PPP1R12B: variants seen among roughly 807,000 people sequenced by gnomAD.
PPP1R12B encodes the protein protein phosphatase 1 regulatory subunit 12B, also known as myosin phosphatase target subunit 2.
A neutral mutation model predicts 126.1 loss-of-function variants in PPP1R12B; 76 were observed. That is an observed-to-expected ratio of 0.60 (90% CI 0.50 to 0.73). The LOEUF is 0.73. Among genes scored for constraint, PPP1R12B ranks in the 30% least tolerant of loss-of-function variants. The pLI is 0.00. For missense variants in PPP1R12B, 1,052 were observed against 1,205.1 expected, an observed-to-expected ratio of 0.87 and a Z score of 1.88; for synonymous variants, 356 against 434.7, an observed-to-expected ratio of 0.82 and a Z score of 2.25.
Position 202,585,378 on chromosome 1 carries a change from A to C in PPP1R12B, c.*4818A>C, listed in dbSNP as rs1423698693. On this transcript the variant is annotated 3_prime_UTR_variant, in exon 24 of 24. Coordinates refer to ENST00000608999, the MANE Select transcript of PPP1R12B (RefSeq NM_002481.4). ...ACCCAATAAGCAGGCAGCTTTGAGG[A>C]CAAAAAGGCAACATTAAAAGATAAG... 1 of 152,240 alleles carries C rather than the reference A, an allele frequency of 6.6e-6. No individual in the cohort carries two copies. The highest frequency in any genetic ancestry group is 2.4e-5 in the African/African-American group (1 of 41,466). The allele number at this position is 152,240 out of a possible 1,614,324, so 9.4% of individuals were successfully genotyped here.
chr1:202,580,133 T>C (rs988886240), intron 23 of PPP1R12B, among the ~76,000 whole-genome samples: 4 of 151,992 alleles, frequency 2.6e-5, no homozygotes, highest in Non-Finnish European at 5.9e-5. Context: ...TCTTTAGGGG[T>C]GAGTTTAAGG....
At chr1:202,536,734 ATATTTCT>A (rs1470966019) in intron 18 of PPP1R12B, among the ~76,000 whole-genome samples, 5 of 152,042 alleles carry the variant, frequency 3.3e-5, no homozygotes, top group Non-Finnish European at 7.4e-5. Flanking sequence ...CTGTACAAAA[ATATTTCT>A]TTATATTCTT....
At chr1:202,482,553 C>G (rs1246002917) in intron 13 of PPP1R12B, among the ~76,000 whole-genome samples, 1 of 152,116 alleles carries the variant, frequency 6.6e-6, no homozygotes, top group African/African-American at 2.4e-5. Context: ...AAGTAAATGT[C>G]TGTTAAGGTC....
intron 18 of PPP1R12B, among the ~76,000 whole-genome samples, chr1:202,528,384 A>G (rs1185528651): frequency 6.6e-6 from 1 of 152,212 alleles, no homozygotes; most frequent in Non-Finnish European, 1.5e-5. Flanking sequence ...CAGTCAATTC[A>G]GTCATCATGG....
At chr1:202,488,794 G>T (rs1206826040) in intron 14 of PPP1R12B, among the ~76,000 whole-genome samples, 171 bp downstream of exon 14, 1 of 152,162 alleles carries the variant, frequency 6.6e-6, no homozygotes, top group African/African-American at 2.4e-5. Flanking sequence ...AATTTGGGAG[G>T]CCAAGGAGTT....
intron 1 of PPP1R12B, among the ~76,000 whole-genome samples, chr1:202,403,195 A>T (rs1418298276): frequency 6.6e-6 from 1 of 152,178 alleles, no homozygotes; most frequent in East Asian, 1.9e-4. Flanking sequence ...GTTCTGCCTA[A>T]AGAAGGCAGC....
At chr1:202,379,152 T>C (rs1455451425) in intron 1 of PPP1R12B, among the ~76,000 whole-genome samples, 2 of 152,218 alleles carry the variant, frequency 1.3e-5, no homozygotes, top group African/African-American at 4.8e-5. Flanking sequence ...TGTAGATGTC[T>C]TACAGGTTTC....
chr1:202,451,152 GATTT>G (rs1178160483), intron 13 of PPP1R12B, among the ~76,000 whole-genome samples: 3 of 150,582 alleles, frequency 2.0e-5, no homozygotes, highest in East Asian at 1.9e-4. Flanking sequence ...ATAGTAGTAT[GATTT>G]ATTTATTTTT....
chr1:202,479,897 T>C (rs1437427672), intron 13 of PPP1R12B, among the ~76,000 whole-genome samples: 5 of 152,180 alleles, frequency 3.3e-5, no homozygotes, highest in African/African-American at 1.2e-4. Flanking sequence ...AAGAACCACT[T>C]CCTTAGCCTA....
At chr1:202,554,675 T>C (rs1332905109) in intron 18 of PPP1R12B, among the ~76,000 whole-genome samples, 1 of 152,080 alleles carries the variant, frequency 6.6e-6, no homozygotes, top group Non-Finnish European at 1.5e-5. Flanking sequence ...AGGAAAATTG[T>C]CTACCGCCTT....
At chr1:202,486,571 G>A (rs1221805576) in intron 13 of PPP1R12B, among the ~76,000 whole-genome samples, 1 of 152,200 alleles carries the variant, frequency 6.6e-6, no homozygotes, top group South Asian at 2.1e-4. Flanking sequence ...CTGGGAAGTC[G>A]AGGTGGGAGG....
chr1:202,536,141 G>A (rs1219771200), intron 18 of PPP1R12B, among the ~76,000 whole-genome samples: 1 of 152,144 alleles, frequency 6.6e-6, no homozygotes, highest in Non-Finnish European at 1.5e-5. Context: ...TTCTTCATCT[G>A]TAAGATAGTA....
chr1:202,525,027 C>T (rs531995140), intron 18 of PPP1R12B, among the ~76,000 whole-genome samples: 170 of 152,018 alleles, frequency 1.1e-3, no homozygotes, highest in Non-Finnish European at 1.6e-3. Context: ...TACAGGTGTC[C>T]GCCACCACAC....
intron 13 of PPP1R12B, among the ~76,000 whole-genome samples, chr1:202,477,920 C>G (rs777044066): frequency 6.6e-6 from 1 of 152,182 alleles, no homozygotes; most frequent in Non-Finnish European, 1.5e-5. Flanking sequence ...CATCTGAATT[C>G]CTTCTCATGC....
chr1:202,566,293 C>T (rs1467887480), intron 21 of PPP1R12B, among the ~76,000 whole-genome samples: 3 of 152,216 alleles, frequency 2.0e-5, no homozygotes, highest in African/African-American at 7.2e-5. Context: ...TGGCCCACTG[C>T]TTTGCTGGGT....
At chr1:202,383,940 GC>G (rs982808043) in intron 1 of PPP1R12B, among the ~76,000 whole-genome samples, 2 of 152,058 alleles carry the variant, frequency 1.3e-5, no homozygotes, top group African/African-American at 4.8e-5. Flanking sequence ...TTGCTTGTTT[GC>G]TTTTCTTTTG....
chr1:202,395,295 G>A (rs1230626971), intron 1 of PPP1R12B, among the ~76,000 whole-genome samples: 4 of 152,040 alleles, frequency 2.6e-5, no homozygotes, highest in Non-Finnish European at 5.9e-5. Context: ...CTCGGTGTTA[G>A]GAAGCAGTAT....
chr1:202,478,115 CAAG>C (rs1676907689), intron 13 of PPP1R12B, among the ~76,000 whole-genome samples: 1 of 152,180 alleles, frequency 6.6e-6, no homozygotes, highest in African/African-American at 2.4e-5. Context: ...TCAGAAAAAT[CAAG>C]GAGTGTGGAG....
At chr1:202,369,686 T>C (rs544063218) in intron 1 of PPP1R12B, 31 of 177,826 alleles carry the variant, frequency 1.7e-4, no homozygotes, top group Admixed American at 3.9e-4. Flanking sequence ...TTTGTTCTCA[T>C]TGGCGTCTGT....
Sources: allele counts gnomAD v4.1 joint callset (sites outside exome capture counted in the v4.1 genomes callset), GRCh38; gene constraint gnomAD v4.1.1; transcripts MANE v1.5; gene names NCBI Gene and HGNC (gene_info 2026-07-23, HGNC 2026-07-21).